Variants in PDE1A observed in about 807,000 individuals in gnomAD.
PDE1A encodes the protein phosphodiesterase 1A, also known as dual specificity calcium/calmodulin-dependent 3',5'-cyclic nucleotide phosphodiesterase 1A.
PDE1A carries 35 observed loss-of-function variants against 61.7 expected under a neutral mutation model. The observed-to-expected ratio is 0.57, with a 90% CI of 0.43 to 0.75. The LOEUF (loss-of-function observed/expected upper bound fraction) is 0.75. PDE1A is among the 30% of genes least tolerant of loss of function. The pLI, the probability that PDE1A is intolerant of heterozygous loss-of-function variation, is 0.00. For synonymous variants in PDE1A, 232 were observed against 213.2 expected (o/e 1.09, Z -0.77); for missense variants, 597 against 630.6 (o/e 0.95, Z 0.57).
At chr2:182,461,197 G>A (rs1303202098) in intron 2 of PDE1A, among the ~76,000 whole-genome samples, 1 of 151,950 alleles carries the variant, frequency 6.6e-6, no homozygotes, top group Non-Finnish European at 1.5e-5. Context: ...AGAACTATAG[G>A]AATCTGAAAG....
intron 2 of PDE1A, among the ~76,000 whole-genome samples, chr2:182,487,165 T>C (rs1243588528): frequency 6.6e-6 from 1 of 152,158 alleles, no homozygotes; most frequent in East Asian, 1.9e-4. Context: ...CATGAAAAGA[T>C]GTTCACCATC....
At chr2:182,657,810 A>C in the PDE1A span, among the ~76,000 whole-genome samples, 1 of 152,092 alleles carries the variant, frequency 6.6e-6, no homozygotes, top group Non-Finnish European at 1.5e-5. Context: ...AACATCTCTA[A>C]GTTTAGCTGT....
chr2:182,685,967 T>C, the PDE1A span, among the ~76,000 whole-genome samples: 2 of 152,200 alleles, frequency 1.3e-5, no homozygotes, highest in African/African-American at 4.8e-5. Context: ...TCATCATATA[T>C]CATATAATGA....
At chr2:182,367,508 G>A (rs550718489) in intron 1 of PDE1A, among the ~76,000 whole-genome samples, 60 of 152,018 alleles carry the variant, frequency 3.9e-4, no homozygotes, top group Middle Eastern at 6.8e-3. Flanking sequence ...ATACAGTGGT[G>A]GGAATTTGTT....
At chr2:182,375,983 C>G (rs1175782399) in intron 1 of PDE1A, among the ~76,000 whole-genome samples, 3 of 152,206 alleles carry the variant, frequency 2.0e-5, no homozygotes, top group African/African-American at 4.8e-5. Context: ...ACACAAGGCA[C>G]CAAGTCCCCA....
chr2:182,684,110 CA>C, the PDE1A span, among the ~76,000 whole-genome samples: 3 of 99,954 alleles, frequency 3.0e-5, no homozygotes, highest in Admixed American at 1.2e-4. Context: ...GCAACAAGAG[CA>C]AAACTCCATC....
chr2:182,275,724 C>T (rs1041403098), intron 1 of PDE1A, among the ~76,000 whole-genome samples: 1 of 152,030 alleles, frequency 6.6e-6, no homozygotes, highest in African/African-American at 2.4e-5. Context: ...TAGGCACCCT[C>T]GTAAATTCAT....
chr2:182,207,529 A>G (rs12469500), intron 7 of PDE1A, among the ~76,000 whole-genome samples: 108,325 of 151,718 alleles, frequency 0.71, 38,960 homozygotes, highest in East Asian at 0.91. Flanking sequence ...GAAAGAAATT[A>G]CCTGAAACTG....
the PDE1A span, among the ~76,000 whole-genome samples, chr2:182,663,355 C>G: frequency 6.6e-5 from 10 of 152,072 alleles, no homozygotes; most frequent in African/African-American, 2.4e-4. Context: ...ATAGTTCTAT[C>G]ATAAAGACAC....
intron 1 of PDE1A, among the ~76,000 whole-genome samples, chr2:182,298,921 A>G (rs957419094): frequency 1.3e-5 from 2 of 152,102 alleles, no homozygotes; most frequent in African/African-American, 4.8e-5. Flanking sequence ...GATCAAGATC[A>G]GGGGAGCTGA....
intron 2 of PDE1A, among the ~76,000 whole-genome samples, chr2:182,486,161 T>C (rs1041111230): frequency 2.0e-5 from 3 of 151,934 alleles, no homozygotes; most frequent in Non-Finnish European, 4.4e-5. Context: ...TTCTATATAA[T>C]AGCAACTAAA....
chr2:182,328,648 G>A (rs932272401), intron 1 of PDE1A, among the ~76,000 whole-genome samples: 4 of 152,158 alleles, frequency 2.6e-5, no homozygotes, highest in Admixed American at 2.0e-4. Flanking sequence ...AAGGGGTACG[G>A]TTATTAGGTC....
At chr2:182,230,169 T>G (rs1689463249) in intron 5 of PDE1A, 23 bp from the exon 6 acceptor site, 2 of 1,600,694 alleles carry the variant, frequency 1.2e-6, no homozygotes, top group Admixed American at 1.7e-5. Context: ...ATAATTATAA[T>G]TATATTTTGA....
chr2:182,184,007 G>GAAGAAAGAAAGAAAGAAAGAAAGA (rs36010429), intron 13 of PDE1A, among the ~76,000 whole-genome samples: 1 of 134,714 alleles, frequency 7.4e-6, no homozygotes, highest in Admixed American at 7.8e-5. Flanking sequence ...GAAAGGAAGA[G>GAAGAAAGAAAGAAAGAAAGAAAGA]AAGAAAGAAA....
chr2:182,674,200 G>A, the PDE1A span, among the ~76,000 whole-genome samples: 1 of 151,884 alleles, frequency 6.6e-6, no homozygotes, highest in South Asian at 2.1e-4. Context: ...CTAAAACACT[G>A]TGCTACACTA....
At chr2:182,435,982 A>G (rs111597214) in intron 2 of PDE1A, among the ~76,000 whole-genome samples, 8 of 152,242 alleles carry the variant, frequency 5.3e-5, no homozygotes, top group African/African-American at 1.9e-4. Flanking sequence ...TTAGACAGCA[A>G]TAGAGATAAT....
chr2:182,675,012 C>T, the PDE1A span, among the ~76,000 whole-genome samples: 1 of 152,022 alleles, frequency 6.6e-6, no homozygotes, highest in Non-Finnish European at 1.5e-5. Context: ...CATAGGTAAA[C>T]TTGTGTCATG....
the PDE1A span, among the ~76,000 whole-genome samples, chr2:182,680,986 G>C: frequency 6.6e-6 from 1 of 152,246 alleles, no homozygotes; most frequent in South Asian, 2.1e-4. Flanking sequence ...TTGCTGCCGT[G>C]GAAAAGGGCA....
chr2:182,417,246 A>G (rs76687383), intron 1 of PDE1A, among the ~76,000 whole-genome samples: 4,660 of 152,286 alleles, frequency 0.031, 83 homozygotes, highest in Non-Finnish European at 0.049. Context: ...TCCTTCTTCC[A>G]GTTGCCTGTC....
Sources: gnomAD v4.1 joint callset for allele counts (sites outside exome capture counted in the v4.1 genomes callset) on GRCh38, gnomAD v4.1.1 for gene constraint, MANE v1.5 for transcripts, NCBI Gene and HGNC (gene_info 2026-07-23, HGNC 2026-07-21) for gene names.